PRRG4: variants seen among roughly 807,000 people sequenced by gnomAD.
PRRG4 encodes proline rich and Gla domain 4.
In PRRG4, 12 loss-of-function variants were observed where a neutral mutation model predicts 20.0. That is an observed-to-expected ratio of 0.60 (90% CI 0.38 to 0.97). The LOEUF (loss-of-function observed/expected upper bound fraction) is 0.97. Ranked by LOEUF, PRRG4 falls within the 50% of genes least tolerant of loss-of-function variation. The pLI, the probability that PRRG4 is intolerant of heterozygous loss-of-function variation, is 0.00. For missense variants in PRRG4, 199 were observed against 265.1 expected, an observed-to-expected ratio of 0.75 and a Z score of 1.73; for synonymous variants, 94 against 96.4, an observed-to-expected ratio of 0.98 and a Z score of 0.15.
rs528117293 is a variant in PRRG4 at position 32,853,807 on chromosome 11, G to A, written c.*280G>A. 7.4e-5 allele frequency: 17 copies of A among 230,258 alleles called. No homozygotes were observed. The highest frequency in any genetic ancestry group is 2.5e-4 in the African/African-American group (11 of 44,374). 14.3% of individuals were successfully genotyped at this position (230,258 alleles called of 1,614,324 possible). A position where few individuals can be genotyped will look rare whatever the true frequency, so the allele number is the denominator to read the frequency against. Reference sequence around the variant, plus strand: ...CACGCCACTGCATTCCAGCCTGGGCGACAGAGCAAGACTCCATCTCAAAAA... The same window carrying A: ...CACGCCACTGCATTCCAGCCTGGGCAACAGAGCAAGACTCCATCTCAAAAA... On this transcript the variant is annotated 3_prime_UTR_variant, in exon 6 of 6. Coordinates refer to ENST00000257836, the MANE Select transcript of PRRG4 (RefSeq NM_024081.6).
chr11:32,847,993 G>C (rs1320012646), intron 5 of PRRG4, among the ~76,000 whole-genome samples: 1 of 152,178 alleles, frequency 6.6e-6, no homozygotes, highest in Non-Finnish European at 1.5e-5. Context: ...CCTTGGGCTG[G>C]GAGGATAGGG....
At chr11:32,849,827 G>C (rs868109129) in intron 5 of PRRG4, among the ~76,000 whole-genome samples, 4 of 152,168 alleles carry the variant, frequency 2.6e-5, no homozygotes, top group South Asian at 2.1e-4. Flanking sequence ...TGGAATTCTT[G>C]AAAAGTTCCC....
At chr11:32,848,251 G>A (rs2133449171) in intron 5 of PRRG4, among the ~76,000 whole-genome samples, 1 of 152,246 alleles carries the variant, frequency 6.6e-6, no homozygotes, top group East Asian at 1.9e-4. Flanking sequence ...CACTACTCCT[G>A]CAACCCCTTC....
At chr11:32,830,252 G>A in intron 1 of PRRG4, 79 bp downstream of exon 1, 1 of 1,039,518 alleles carries the variant, frequency 9.6e-7, no homozygotes, top group Non-Finnish European at 1.2e-6. Flanking sequence ...GGTTGGATTC[G>A]AACACATAGC....
rs1338817047 is a variant in PRRG4 at position 32,855,345 on chromosome 11, C to G, written c.*1818C>G. On this transcript the variant is annotated 3_prime_UTR_variant, in exon 6 of 6. Transcript: ENST00000257836. ...CCAGGAGCTCAAGAAATAACATACT[C>G]CTGAAAAATAGAATAGAAATTTCTG... The G allele has an allele frequency of 6.6e-6, 1 of 151,214 alleles. No homozygotes were observed. Among genetic ancestry groups the G allele is most frequent in the Non-Finnish European group, 1.5e-5 (1 of 67,920 alleles). The allele number at this position is 151,214 out of a possible 1,614,324, so 9.4% of individuals were successfully genotyped here.
chr11:32,852,530 T>C (rs1313885489), intron 5 of PRRG4, among the ~76,000 whole-genome samples: 2 of 152,174 alleles, frequency 1.3e-5, no homozygotes, highest in African/African-American at 4.8e-5. Flanking sequence ...AATTTGGTTT[T>C]GGTTTCACAT....
chr11:32,843,596 T>C (rs72899241), intron 5 of PRRG4, among the ~76,000 whole-genome samples: 30,774 of 152,054 alleles, frequency 0.2, 3,445 homozygotes, highest in East Asian at 0.55. Context: ...TTTAAATATA[T>C]TTCCAGTGCA....
intron 4 of PRRG4, among the ~76,000 whole-genome samples, chr11:32,839,495 G>T (rs1851055025): frequency 6.6e-6 from 1 of 151,272 alleles, no homozygotes; most frequent in South Asian, 2.1e-4. Flanking sequence ...TTATCTCAGT[G>T]GTTAATACCA....
intron 2 of PRRG4, among the ~76,000 whole-genome samples, chr11:32,836,170 A>G (rs1304406993): frequency 6.6e-6 from 1 of 152,148 alleles, no homozygotes; most frequent in Non-Finnish European, 1.5e-5. Context: ...TCCCAATTTT[A>G]TAAATTAGGA....
chr11:32,836,969 C>A, intron 3 of PRRG4, 148 bp downstream of exon 3: 1 of 620,992 alleles, frequency 1.6e-6, no homozygotes, highest in South Asian at 2.6e-5. Flanking sequence ...TGGTAATTAA[C>A]CTATTTAGAC....
At position 32,856,065 on chromosome 11, in the gene PRRG4, TTATA is replaced by T. The variant is rs1390705062; in HGVS notation, c.*2542_*2545del. The T allele has an allele frequency of 6.6e-6, 1 of 152,222 alleles. No homozygotes were observed. Among genetic ancestry groups the T allele is most frequent in the African/African-American group, 2.4e-5 (1 of 41,460 alleles). 9.4% of individuals were successfully genotyped at this position (152,222 alleles called of 1,614,324 possible). On this transcript the variant is annotated 3_prime_UTR_variant, in exon 6 of 6. Coordinates refer to ENST00000257836, the MANE Select transcript of PRRG4 (RefSeq NM_024081.6). Reference sequence around the variant, plus strand: ...AAGCATTTCTCATATATACATACATTTATATATGTACATGTTACATATATTTAGA... The same window carrying T: ...AAGCATTTCTCATATATACATACATTTATGTACATGTTACATATATTTAGA...
intron 5 of PRRG4, among the ~76,000 whole-genome samples, chr11:32,851,506 T>TA (rs1341674130): frequency 6.6e-6 from 1 of 152,218 alleles, no homozygotes; most frequent in African/African-American, 2.4e-5. Flanking sequence ...ACCTCTCAAC[T>TA]ATTGAAGGGC....
chr11:32,849,915 G>A (rs1199083689), intron 5 of PRRG4, among the ~76,000 whole-genome samples: 1 of 152,182 alleles, frequency 6.6e-6, no homozygotes, highest in Non-Finnish European at 1.5e-5. Flanking sequence ...AGAAGTTAGA[G>A]AAAGTAAGGA....
At chr11:32,838,813 T>C in intron 3 of PRRG4, 69 bp from the exon 4 acceptor site, 7 of 1,160,754 alleles carry the variant, frequency 6.0e-6, no homozygotes, top group Non-Finnish European at 9.1e-6. Context: ...CTAGTCTAGG[T>C]CATTAGGACC....
chr11:32,857,467 T>G lies in PRRG4; in HGVS notation c.*3940T>G, dbSNP rs1181782514. 4 of 152,288 alleles carry G rather than the reference T, an allele frequency of 2.6e-5. No individual in the cohort carries two copies. Among genetic ancestry groups the G allele is most frequent in the African/African-American group, 9.6e-5 (4 of 41,452 alleles). The allele number at this position is 152,288 out of a possible 1,614,324, so 9.4% of individuals were successfully genotyped here. A position where few individuals can be genotyped will look rare whatever the true frequency, so the allele number is the denominator to read the frequency against. On this transcript the variant is annotated 3_prime_UTR_variant, in exon 6 of 6. Coordinates refer to ENST00000257836, the MANE Select transcript of PRRG4 (RefSeq NM_024081.6). ...TGCCTGGCCCCAAGTTTTGCATCTT[T>G]TAATGCCCTCTGAACAAATACATAG...
Position 32,857,975 on chromosome 11 carries a change from A to C in PRRG4, c.*4448A>C, listed in dbSNP as rs1439135401. ...CCTCAACAGTTTAAGGTAATTTAGTACACATATATCAGTATTTTTGTGATC... is the reference window on the plus strand; with the variant it reads ...CCTCAACAGTTTAAGGTAATTTAGTCCACATATATCAGTATTTTTGTGATC... On this transcript the variant is annotated 3_prime_UTR_variant, in exon 6 of 6. Coordinates refer to ENST00000257836, the MANE Select transcript of PRRG4 (RefSeq NM_024081.6). 6.6e-6 allele frequency: 1 copy of C among 152,136 alleles called. No individual in the cohort carries two copies. Among genetic ancestry groups the C allele is most frequent in the African/African-American group, 2.4e-5 (1 of 41,454 alleles). 9.4% of individuals were successfully genotyped at this position (152,136 alleles called of 1,614,324 possible). A position where few individuals can be genotyped will look rare whatever the true frequency, so the allele number is the denominator to read the frequency against.
chr11:32,844,596 G>A (rs1222645365), intron 5 of PRRG4, among the ~76,000 whole-genome samples: 1 of 151,782 alleles, frequency 6.6e-6, no homozygotes, highest in Non-Finnish European at 1.5e-5. Context: ...TGCCTCCTGG[G>A]TTCAAGCGAT....
chr11:32,846,302 G>C (rs762733911), intron 5 of PRRG4, among the ~76,000 whole-genome samples: 1 of 152,234 alleles, frequency 6.6e-6, no homozygotes, highest in Non-Finnish European at 1.5e-5. Flanking sequence ...GAGCCATGGG[G>C]CCAAGCCCTT....
At chr11:32,843,178 T>C (rs1042396076) in intron 5 of PRRG4, among the ~76,000 whole-genome samples, 14 of 152,174 alleles carry the variant, frequency 9.2e-5, no homozygotes, top group Non-Finnish European at 7.3e-5. Context: ...TCATTTCATC[T>C]GGTGTTAATT....
Sources: allele counts gnomAD v4.1 joint callset (sites outside exome capture counted in the v4.1 genomes callset), GRCh38; gene constraint gnomAD v4.1.1; transcripts MANE v1.5; gene names NCBI Gene and HGNC (gene_info 2026-07-23, HGNC 2026-07-21).